Variants in FANCI observed in about 807,000 individuals in gnomAD.
FANCI encodes the protein FA complementation group I.
FANCI carries 156 observed loss-of-function variants against 176.1 expected under a neutral mutation model. The observed-to-expected ratio is 0.89, with a 90% confidence interval of 0.78 to 1.01. FANCI has a LOEUF of 1.01. FANCI is among the 50% of genes least tolerant of loss of function. The pLI, the probability that FANCI is intolerant of heterozygous loss-of-function variation, is 0.00. For missense variants in FANCI, 1,678 were observed against 1,534.1 expected (o/e 1.09, Z -1.57); for synonymous variants, 613 against 541.7 (o/e 1.13, Z -1.83).
rs1411317487 is a variant in FANCI at position 89,316,457 on chromosome 15, T to A, written c.3985T>A (p.Ter1329LysextTer6). The A allele has an allele frequency of 3.7e-6, 6 of 1,609,074 alleles. No homozygotes were observed. The highest frequency in any genetic ancestry group is 5.1e-6 in the Non-Finnish European group (6 of 1,177,166). Residue 1329 changes from the stop codon to lysine (K), a stop_lost, in exon 38 of 38, where the codon TAA (stop) becomes AAA (lysine). Coordinates refer to ENST00000310775, the MANE Select transcript of FANCI (RefSeq NM_001113378.2). ...ACCAGCCAAGAAGAAAAGGAAAAAA[T>A]AAATGAAATGCCTGAGTTAATGTGA... ...KEPAKKKRKK* is the reference protein window; with the variant it reads ...KEPAKKKRKKK
At chr15:89,268,623 G>A (rs2053072582) in intron 10 of FANCI, 98 bp downstream of exon 10, 13 of 1,442,568 alleles carry the variant, frequency 9.0e-6, no homozygotes, top group Non-Finnish European at 1.3e-5. Context: ...AATAAATACT[G>A]TAAAATGACC....
chr15:89,310,323 A>G (rs368325426), intron 34 of FANCI, among the ~76,000 whole-genome samples: 4 of 152,248 alleles, frequency 2.6e-5, no homozygotes, highest in African/African-American at 7.2e-5. Flanking sequence ...ACTATGGGCT[A>G]TAGTCAGTCA....
chr15:89,314,789 G>A, intron 36 of FANCI, 82 bp downstream of exon 36: 1 of 973,548 alleles, frequency 1.0e-6, no homozygotes, highest in South Asian at 1.3e-5. Flanking sequence ...CAACTACAAT[G>A]GAGGAAAAGA....
intron 13 of FANCI, among the ~76,000 whole-genome samples, chr15:89,277,863 A>C (rs568097461): frequency 6.6e-6 from 1 of 152,134 alleles, no homozygotes; most frequent in Admixed American, 6.6e-5. Context: ...GTAGCTACAC[A>C]CCAAGAGTGT....
intron 4 of FANCI, 26 bp from the exon 5 acceptor site, chr15:89,261,559 A>C (rs1451633126): frequency 1.1e-5 from 18 of 1,613,800 alleles, no homozygotes; most frequent in Non-Finnish European, 1.5e-5. Flanking sequence ...TCTGCTTGAG[A>C]TTTCCTTTAT....
At chr15:89,308,194 G>A (rs2054802519) in intron 34 of FANCI, 16 of 1,026,724 alleles carry the variant, frequency 1.6e-5, no homozygotes, top group African/African-American at 1.7e-5. Context: ...CTATTGACAT[G>A]TTGCGCTAGA....
At position 89,264,543 on chromosome 15, in the gene FANCI, GA is replaced by G; in HGVS notation, c.693del (p.Gly232GlufsTer3). On this transcript the variant is annotated frameshift_variant, in exon 9 of 38. Transcript: ENST00000310775. LOFTEE classifies it high-confidence loss of function. ...SSKGSRKSVL[E>X]GIIAFFSALD... ...TCAGGGAAGCAGAAAGAGTGTTTTG[GA>G]AGGAATCATAGCCTTCTTCAGTGCA... 1.2e-6 allele frequency: 2 copies of G among 1,613,776 alleles called. No homozygotes were observed. The highest frequency in any genetic ancestry group is 1.7e-6 in the Non-Finnish European group (2 of 1,179,846).
rs150234084 is a variant in FANCI at position 89,268,086 on chromosome 15, A to G, written c.756-313A>G. On this transcript the variant is annotated intron_variant, in intron 9 of 37. Coordinates refer to ENST00000310775, the MANE Select transcript of FANCI (RefSeq NM_001113378.2). ...TGTCCTTGTCTCTCACTCAAAAACC[A>G]TAGCTCATACCTTTTTTTTGTTGTT... Among the ~76,000 whole-genome samples the G allele has an allele frequency of 0.011, 1,648 of 152,282 alleles. 25 individuals carry two copies. The highest frequency in any genetic ancestry group is 0.034 in the African/African-American group (1,414 of 41,560).
At chr15:89,294,773 C>A in intron 23 of FANCI, 142 bp from the exon 24 acceptor site, 1 of 762,628 alleles carries the variant, frequency 1.3e-6, no homozygotes, top group Non-Finnish European at 2.0e-6. Flanking sequence ...CTTGGGCTGC[C>A]TAGAGAGTCT....
chr15:89,244,720 C>T (rs1345841989), intron 1 of FANCI, among the ~76,000 whole-genome samples: 1 of 152,188 alleles, frequency 6.6e-6, no homozygotes, highest in Non-Finnish European at 1.5e-5. Flanking sequence ...GCTGGACAGA[C>T]TCGGGTTTCA....
rs530115454 is a variant in FANCI at position 89,265,593 on chromosome 15, G to A, written c.755+986G>A. Among the ~76,000 whole-genome samples the A allele has an allele frequency of 2.7e-5, 4 of 146,846 alleles. No individual in the cohort carries two copies. In the South Asian group the frequency reaches 6.5e-4, roughly 24 times the overall value. On this transcript the variant is annotated intron_variant, in intron 9 of 37. Transcript: ENST00000310775. ...GACTGGAGTGCAGTGGTACGATCTC[G>A]GCTCAGTGCAACCTCCACCTCCTGG...
intron 9 of FANCI, among the ~76,000 whole-genome samples, chr15:89,265,128 A>T (rs914195326): frequency 4.6e-5 from 7 of 152,204 alleles, no homozygotes; most frequent in Non-Finnish European, 1.0e-4. Context: ...ATCAGAGAAC[A>T]TTCTCAGGTA....
chr15:89,260,808 A>G lies in FANCI; in HGVS notation c.253A>G (p.Ile85Val), dbSNP rs1248495576. The G allele has an allele frequency of 1.2e-6, 2 of 1,613,926 alleles. No homozygotes were observed. The highest frequency in any genetic ancestry group is 1.7e-6 in the Non-Finnish European group (2 of 1,179,940). Residue 85 changes from isoleucine to valine, a missense_variant, in exon 4 of 38, where the codon ATA becomes GTA. Coordinates refer to ENST00000310775, the MANE Select transcript of FANCI (RefSeq NM_001113378.2). ...GGAATCGGGGGATTTGCAGAAAGAA[A>G]TAGCGTCTGAGATCATAGGATTACT... ...LVESGDLQKE[I>V]ASEIIGLLML...
chr15:89,262,993 C>T (rs530826030), intron 6 of FANCI, among the ~76,000 whole-genome samples: 1 of 152,298 alleles, frequency 6.6e-6, no homozygotes, highest in Admixed American at 6.5e-5. Flanking sequence ...TTTGGCCTCC[C>T]AAAGTGTTGG....
intron 2 of FANCI, among the ~76,000 whole-genome samples, chr15:89,252,299 TAAAAAAA>T (rs765131815): frequency 7.7e-6 from 1 of 130,112 alleles, no homozygotes; most frequent in Non-Finnish European, 1.7e-5. Context: ...AGATTCCATC[TAAAAAAA>T]AAAAAAAGAA....
In FANCI at chr15:89,301,403, T is replaced by TA; in HGVS notation, c.2968dup (p.Thr990AsnfsTer51). ...AAGCCCTCCTGCTAGTCACGGTTCT[T>TA]ACCAGTTTGTCCAAGTTACTGGAGC... On this transcript the variant is annotated frameshift_variant, in exon 27 of 38. Coordinates refer to ENST00000310775, the MANE Select transcript of FANCI (RefSeq NM_001113378.2). LOFTEE classifies it high-confidence loss of function. 4 of 1,613,856 alleles carry TA rather than the reference T, an allele frequency of 2.5e-6. No individual in the cohort carries two copies. The highest frequency in any genetic ancestry group is 3.4e-6 in the Non-Finnish European group (4 of 1,179,994).
chr15:89,305,491 G>A lies in FANCI; in HGVS notation c.3255+82G>A, dbSNP rs1162218439. 1.1e-5 allele frequency: 18 copies of A among 1,608,004 alleles called. No individual in the cohort carries two copies. The African/African-American group carries it at 2.4e-4, about 21-fold the overall frequency. On this transcript the variant is annotated intron_variant, in intron 30 of 37. Transcript: ENST00000310775. ...CATGTGAAGTGACTTGTGTCCTATAGCGGCTTGTGTCCTGAGGCCTGTAAC... is the reference window on the plus strand; with the variant it reads ...CATGTGAAGTGACTTGTGTCCTATAACGGCTTGTGTCCTGAGGCCTGTAAC...
At chr15:89,303,955 A>C (rs1486231975) in intron 28 of FANCI, 40 bp downstream of exon 28, 3 of 1,581,096 alleles carry the variant, frequency 1.9e-6, no homozygotes, top group Non-Finnish European at 2.6e-6. Context: ...CTTTATATAA[A>C]ATCACTATCC....
intron 9 of FANCI, among the ~76,000 whole-genome samples, chr15:89,266,242 A>G (rs1465125653): frequency 7.0e-6 from 1 of 143,536 alleles, no homozygotes; most frequent in Non-Finnish European, 1.5e-5. Flanking sequence ...GCTCACTGCA[A>G]CCTCTGCTTC....
Sources: allele counts gnomAD v4.1 joint callset (sites outside exome capture counted in the v4.1 genomes callset), GRCh38; gene constraint gnomAD v4.1.1; transcripts MANE v1.5; gene names NCBI Gene and HGNC (gene_info 2026-07-23, HGNC 2026-07-21).